NPHS1: variants seen among roughly 807,000 people sequenced by gnomAD.
NPHS1 encodes the protein nephrin.
NPHS1 carries 107 observed loss-of-function variants against 139.7 expected under a neutral mutation model. The observed-to-expected ratio is 0.77, with a 90% CI of 0.66 to 0.90. The LOEUF is 0.90. NPHS1 is among the 40% of genes least tolerant of loss of function. The pLI is 0.00. For synonymous variants in NPHS1, 707 were observed against 706.6 expected, an observed-to-expected ratio of 1.00 and a Z score of -0.01; for missense variants, 1,580 against 1,654.2, an observed-to-expected ratio of 0.96 and a Z score of 0.78.
rs760603786 is a variant in NPHS1 at position 35,845,977 on chromosome 19, GC to G, written c.1627+30del. On this transcript the variant is annotated intron_variant, in intron 12 of 28. Coordinates refer to ENST00000378910, the MANE Select transcript of NPHS1 (RefSeq NM_004646.4). This position sits in a 1 kb window ranked among gnomAD's most constrained non-coding sequence, Gnocchi z 5.5. ...CACCTGGCTCTGTCCCTCCCGCCCC[GC>G]CCCCGGGCCTCAGCAGTGCGAGCCC... 1 of 685,520 alleles carries G rather than the reference GC, an allele frequency of 1.5e-6. No individual in the cohort carries two copies. The highest frequency in any genetic ancestry group is 1.9e-5 in the African/African-American group (1 of 52,434). The allele number at this position is 685,520 out of a possible 1,614,324, so 42.5% of individuals were successfully genotyped here.
Position 35,851,849 on chromosome 19 carries a change from C to T in NPHS1, c.-12G>A, listed in dbSNP as rs997617828. On this transcript the variant is annotated 5_prime_UTR_variant, in exon 1 of 29. Coordinates refer to ENST00000378910, the MANE Select transcript of NPHS1 (RefSeq NM_004646.4). Reference sequence around the variant, plus strand: ...GTCCCCAGGGCCATCACAGGTCCCCCTACTGTGACCCCCACAGCGCCCGCT... The same window carrying T: ...GTCCCCAGGGCCATCACAGGTCCCCTTACTGTGACCCCCACAGCGCCCGCT... 1.3e-6 allele frequency: 2 copies of T among 1,550,166 alleles called. No homozygotes were observed. The highest frequency in any genetic ancestry group is 1.7e-6 in the Non-Finnish European group (2 of 1,146,436).
intron 11 of NPHS1, among the ~76,000 whole-genome samples, chr19:35,847,347 T>A (rs1479453503): frequency 1.2e-4 from 14 of 112,894 alleles, no homozygotes; most frequent in Non-Finnish European, 1.9e-4. Context: ...GCCCAGCCTT[T>A]TTTTTTTTTT....
intron 16 of NPHS1, chr19:35,843,901 C>T: frequency 1.3e-6 from 1 of 773,830 alleles, no homozygotes; most frequent in Non-Finnish European, 2.0e-6. Context: ...GGCACCCTCT[C>T]TGGGCAGAGA....
chr19:35,848,163 G>C lies in NPHS1; in HGVS notation c.1318C>G (p.Pro440Ala). 1 of 1,614,096 alleles carries C rather than the reference G, an allele frequency of 6.2e-7. No individual in the cohort carries two copies. Among genetic ancestry groups the C allele is most frequent in the South Asian group, 1.1e-5 (1 of 91,082 alleles). The change falls in exon 11 of 29, where the codon CCC (proline) becomes GCC (alanine). Residue 440 changes from proline (P) to alanine (A), a missense_variant and splice_region_variant. Transcript: ENST00000378910. ...KKSLILNVKY[P>A]AQKLWIEGPP... is the part of the protein sequence containing the mutation. The stretch of plus-strand genomic sequence containing the variant: ...CCCTCAATCCACAGTTTCTGGGCGG[G>C]ATCTGGCGGGGAGAGGAAGGAAGAA...
chr19:35,837,456 C>T (rs1370127337), intron 22 of NPHS1, among the ~76,000 whole-genome samples: 1 of 152,018 alleles, frequency 6.6e-6, no homozygotes, highest in Non-Finnish European at 1.5e-5. Flanking sequence ...AAATAACCAG[C>T]TTCTGGTTTC....
Position 35,849,222 on chromosome 19 carries a change from G to A in NPHS1, c.840+14C>T, listed in dbSNP as rs943629509. 9.9e-6 allele frequency: 16 copies of A among 1,613,620 alleles called. No individual in the cohort carries two copies. Among genetic ancestry groups the A allele is most frequent in the East Asian group, 4.5e-5 (2 of 44,890 alleles). On this transcript the variant is annotated intron_variant, in intron 7 of 28. Transcript: ENST00000378910. ...CACTGTCCCCCCATTCCCCATGCCC[G>A]CGTTTGCCCTCACCTTCAGCCACTG... is the stretch of plus-strand genomic sequence containing the variant.
Position 35,845,230 on chromosome 19 carries a change from A to T in NPHS1, c.1930+138T>A. ...GACTGCAGTGACCTATGATTGCGTC[A>T]CTGCATTGCAGCCTGAGCGACAAAA... On this transcript the variant is annotated intron_variant, in intron 14 of 28. Coordinates refer to ENST00000378910, the MANE Select transcript of NPHS1 (RefSeq NM_004646.4). The surrounding 1 kb of genome is among the most constrained non-coding windows in gnomAD (Gnocchi z 5.5). 1 of 946,128 alleles carries T rather than the reference A, an allele frequency of 1.1e-6. No individual in the cohort carries two copies. The highest frequency in any genetic ancestry group is 1.7e-6 in the Non-Finnish European group (1 of 602,538). The allele number at this position is 946,128 out of a possible 1,614,324, so 58.6% of individuals were successfully genotyped here.
rs141071754 is a variant in NPHS1 at position 35,846,973 on chromosome 19, A to G, written c.1441-779T>C. Among the ~76,000 whole-genome samples, 826 of 152,270 alleles carry G rather than the reference A, an allele frequency of 5.4e-3. 2 individuals carry two copies. The highest frequency in any genetic ancestry group is 0.017 in the Middle Eastern group (5 of 294). On this transcript the variant is annotated intron_variant, in intron 11 of 28. Coordinates refer to ENST00000378910, the MANE Select transcript of NPHS1 (RefSeq NM_004646.4). The stretch of plus-strand genomic sequence containing the variant: ...TTCATTTTCTTGCCTCCAAATCCCA[A>G]GAGTTCAGTTTAATACTAATGAATT...
At chr19:35,829,163 C>T (rs1972840001) in intron 28 of NPHS1, among the ~76,000 whole-genome samples, 1 of 152,216 alleles carries the variant, frequency 6.6e-6, no homozygotes, top group Admixed American at 6.5e-5. Context: ...GTGGGGCTGG[C>T]CCCTACTCCC....
intron 9 of NPHS1, 30 bp downstream of exon 9, chr19:35,848,607 T>C (rs771722693): frequency 1.2e-6 from 2 of 1,611,388 alleles, no homozygotes; most frequent in Non-Finnish European, 1.7e-6. Context: ...CCCTCCATGC[T>C]CAGACCCAGG....
At chr19:35,843,212 A>G (rs931822172) in intron 17 of NPHS1, among the ~76,000 whole-genome samples, 5 of 151,626 alleles carry the variant, frequency 3.3e-5, no homozygotes, top group Admixed American at 3.3e-4. Flanking sequence ...CCATCCACTC[A>G]CTCATTCATC....
intron 22 of NPHS1, among the ~76,000 whole-genome samples, chr19:35,836,603 T>G (rs1972965124): frequency 6.7e-6 from 1 of 149,942 alleles, no homozygotes; most frequent in East Asian, 2.0e-4. Flanking sequence ...AAGACTGGAG[T>G]GGGGTGGGGG....
rs770750372 is a variant in NPHS1, at chr19:35,843,578, C to T, written c.2228G>A (p.Arg743His). 8.7e-6 allele frequency: 14 copies of T among 1,613,964 alleles called. No homozygotes were observed. In the East Asian group the frequency reaches 1.3e-4, roughly 15 times the overall value. Residue 743 changes from arginine (R) to histidine (H), a missense_variant, in exon 17 of 29, where the codon CGT becomes CAT. Transcript: ENST00000378910. ...CACCTCAGTGGGGTCCTGGAGGGCA[C>T]GGATGGTGGGAGCATCTGGTGGAAG... ...RLDVHYAPTI[R>H]ALQDPTEVNV...
At chr19:35,846,261 A>T in intron 11 of NPHS1, 67 bp from the exon 12 acceptor site, 1 of 1,499,040 alleles carries the variant, frequency 6.7e-7, no homozygotes, top group African/African-American at 1.4e-5. Flanking sequence ...CAACCCCCCT[A>T]CCCTGCCCAC....
rs1242448684 is a variant in NPHS1, at chr19:35,848,047, C to T, written c.1434G>A (p.Trp478Ter). 1.2e-6 allele frequency: 2 copies of T among 1,613,844 alleles called. No individual in the cohort carries two copies. The highest frequency in any genetic ancestry group is 8.5e-7 in the Non-Finnish European group (1 of 1,180,034). Residue 478 changes from tryptophan (W) to a stop codon, truncating the protein, a stop_gained, in exon 11 of 29, where the codon TGG becomes TGA. Coordinates refer to ENST00000378910, the MANE Select transcript of NPHS1 (RefSeq NM_004646.4). LOFTEE classifies it high-confidence loss of function. ...GCCCTGGCGTGGCACCAACCTTGTA[C>T]CACATGAGGGAGGGCTCTGGGTTGC... Reference protein sequence around the residue: ...IGGNPEPSLMWYKDSRTVTES... With the variant: ...IGGNPEPSLM
rs2146822391 is a variant in NPHS1 at position 35,844,455 on chromosome 19, A to G, written c.1935T>C (p.Arg645=). Residue 645 remains arginine, a synonymous_variant, in exon 15 of 29, where the codon CGT becomes CGC. Transcript: ENST00000378910. ...SSFYRLNVLY[R]PEFLGEQVLV... ...GCACCTGCTCCCCCAGGAACTCTGG[A>G]CGGTCTTCAGAGGGGGCGCCGCAGG... is the stretch of plus-strand genomic sequence containing the variant. The G allele has an allele frequency of 2.5e-6, 4 of 1,577,336 alleles. No homozygotes were observed. Among genetic ancestry groups the G allele is most frequent in the East Asian group, 2.3e-5 (1 of 42,776 alleles).
At chr19:35,837,026 A>AAAAAGAAAGAAAG (rs1555761160) in intron 22 of NPHS1, among the ~76,000 whole-genome samples, 1 of 131,866 alleles carries the variant, frequency 7.6e-6, no homozygotes, top group Non-Finnish European at 1.6e-5. Context: ...AAAAGAAAAG[A>AAAAAGAAAGAAAG]AAAGAAAGAA....
intron 23 of NPHS1, among the ~76,000 whole-genome samples, chr19:35,832,700 G>A (rs1160323354): frequency 2.6e-5 from 4 of 151,606 alleles, no homozygotes; most frequent in South Asian, 2.1e-4. Context: ...CAGCCTGGCC[G>A]ATATGGTAAA....
chr19:35,843,905 G>A, intron 16 of NPHS1, 198 bp downstream of exon 16: 1 of 783,374 alleles, frequency 1.3e-6, no homozygotes, highest in Admixed American at 2.9e-5. Flanking sequence ...CCCTCTCTGG[G>A]CAGAGATTCC....
Sources: gnomAD v4.1 joint callset for allele counts (sites outside exome capture counted in the v4.1 genomes callset) on GRCh38, gnomAD v4.1.1 for gene constraint, Gnocchi (gnomAD v3.1) non-coding constraint, MANE v1.5 for transcripts, NCBI Gene and HGNC (gene_info 2026-07-23, HGNC 2026-07-21) for gene names.